Variants in CLSTN1 observed in about 807,000 individuals in gnomAD.
CLSTN1 encodes calsyntenin 1, also known as calsyntenin-1.
In CLSTN1, 28 loss-of-function variants were observed where a neutral mutation model predicts 108.3. The ratio of observed to expected loss-of-function variants is 0.26; its 90% CI spans 0.19 to 0.35. The LOEUF (loss-of-function observed/expected upper bound fraction) is 0.35, where lower values mean the gene tolerates loss of function less well. Among genes scored for constraint, CLSTN1 ranks in the 10% least tolerant of loss-of-function variants. CLSTN1 has a pLI of 1.00. For synonymous variants in CLSTN1, 524 were observed against 534.9 expected, an observed-to-expected ratio of 0.98 and a Z score of 0.28; for missense variants, 1,157 against 1,302.6, an observed-to-expected ratio of 0.89 and a Z score of 1.72.
At chr1:9,789,256 C>T (rs1557716072) in intron 1 of CLSTN1, among the ~76,000 whole-genome samples, 1 of 151,332 alleles carries the variant, frequency 6.6e-6, no homozygotes, top group Non-Finnish European at 1.5e-5. Flanking sequence ...TTTGAGGAGC[C>T]GCCATACCGT....
chr1:9,757,899 A>G (rs1348447053), intron 2 of CLSTN1, among the ~76,000 whole-genome samples: 1 of 151,928 alleles, frequency 6.6e-6, no homozygotes, highest in African/African-American at 2.4e-5. Flanking sequence ...TGCTTTGCTA[A>G]TAGTGCTACC....
chr1:9,796,519 C>CAA (rs746579249), intron 1 of CLSTN1, among the ~76,000 whole-genome samples: 147 of 117,558 alleles, frequency 1.3e-3, no homozygotes, highest in African/African-American at 4.2e-3. Flanking sequence ...ACTAAACATA[C>CAA]AAAAAAAAAA....
At chr1:9,798,795 ACAAG>A (rs1654126351) in intron 1 of CLSTN1, among the ~76,000 whole-genome samples, 1 of 152,222 alleles carries the variant, frequency 6.6e-6, no homozygotes, top group African/African-American at 2.4e-5. Context: ...TGTCCTAATA[ACAAG>A]TAAAAAAGCC....
chr1:9,776,867 T>TATC (rs1222407386), intron 1 of CLSTN1, among the ~76,000 whole-genome samples: 2 of 121,420 alleles, frequency 1.6e-5, no homozygotes, highest in African/African-American at 6.7e-5. Flanking sequence ...AGCATTTATC[T>TATC]ATCTATCTAT....
At chr1:9,819,122 A>G (rs1655098995) in intron 1 of CLSTN1, among the ~76,000 whole-genome samples, 1 of 152,082 alleles carries the variant, frequency 6.6e-6, no homozygotes, top group Non-Finnish European at 1.5e-5. Flanking sequence ...CACCAAATTA[A>G]GACCCACTAA....
At chr1:9,817,405 G>A (rs537990623) in intron 1 of CLSTN1, among the ~76,000 whole-genome samples, 2 of 152,098 alleles carry the variant, frequency 1.3e-5, no homozygotes, top group African/African-American at 2.4e-5. Flanking sequence ...TCGGCTCACC[G>A]CAACCTCCAC....
rs917898804 is a variant in CLSTN1, at chr1:9,823,912, G to A, written c.-179C>T. ...CTGGGCCGCGCGCTCAGGACGCGGC[G>A]CCCTCCCCGCCTCAGAGCAGCGTCT... On this transcript the variant is annotated 5_prime_UTR_variant, in exon 1 of 19. Transcript: ENST00000377298. The surrounding 1 kb of genome is among the most constrained non-coding windows in gnomAD (Gnocchi z 6.3). 9.4e-5 allele frequency: 16 copies of A among 169,822 alleles called. No individual in the cohort carries two copies. Among genetic ancestry groups the A allele is most frequent in the Non-Finnish European group, 1.6e-4 (13 of 82,228 alleles). The allele number at this position is 169,822 out of a possible 1,614,324, so 10.5% of individuals were successfully genotyped here.
intron 7 of CLSTN1, among the ~76,000 whole-genome samples, chr1:9,747,316 T>G (rs1651319025): frequency 1.3e-5 from 2 of 152,184 alleles, no homozygotes; most frequent in South Asian, 4.1e-4. Flanking sequence ...TTTTATATAT[T>G]ATACTTACAT....
chr1:9,762,620 T>C (rs1329232481), intron 2 of CLSTN1, among the ~76,000 whole-genome samples: 2 of 151,036 alleles, frequency 1.3e-5, no homozygotes, highest in African/African-American at 4.9e-5. Flanking sequence ...GTGCCCGCAC[T>C]CAACGGCTGG....
At chr1:9,813,961 G>A (rs917018234) in intron 1 of CLSTN1, among the ~76,000 whole-genome samples, 7 of 151,930 alleles carry the variant, frequency 4.6e-5, no homozygotes, top group Non-Finnish European at 7.4e-5. Flanking sequence ...AATTAGCCGG[G>A]CGCAGTGGCA....
chr1:9,749,158 C>A (rs1471041528), intron 7 of CLSTN1, among the ~76,000 whole-genome samples: 1 of 152,124 alleles, frequency 6.6e-6, no homozygotes, highest in Admixed American at 6.5e-5. Context: ...CCCACCTCGG[C>A]CTCCTAAAGT....
chr1:9,792,851 T>G (rs1249178472), intron 1 of CLSTN1, among the ~76,000 whole-genome samples: 2 of 151,252 alleles, frequency 1.3e-5, no homozygotes, highest in Non-Finnish European at 2.9e-5. Flanking sequence ...GCTGTTCATG[T>G]GTGAATGTTG....
chr1:9,748,057 G>C (rs1396821055), intron 7 of CLSTN1, among the ~76,000 whole-genome samples: 1 of 147,868 alleles, frequency 6.8e-6, no homozygotes, highest in Non-Finnish European at 1.5e-5. Context: ...AAAAAAAAAA[G>C]AAAACCAGTA....
rs768606991 is a variant in CLSTN1 at position 9,735,876 on chromosome 1, C to T, written c.1734+9G>A. ...CATGAGTGGTGTGCAGTCGAGCGCT[C>T]GGTGTTACCTGCACGCCTCTGCCAC... On this transcript the variant is annotated intron_variant, in intron 12 of 18. Coordinates refer to ENST00000377298, the MANE Select transcript of CLSTN1 (RefSeq NM_001009566.3). The T allele has an allele frequency of 5.6e-6, 9 of 1,613,910 alleles. No homozygotes were observed. The highest frequency in any genetic ancestry group is 6.8e-6 in the Non-Finnish European group (8 of 1,179,966).
At chr1:9,765,063 C>T (rs1395583458) in intron 2 of CLSTN1, among the ~76,000 whole-genome samples, 1 of 151,972 alleles carries the variant, frequency 6.6e-6, no homozygotes, top group Non-Finnish European at 1.5e-5. Flanking sequence ...TGTGAAATGT[C>T]ATTTTTTTTT....
intron 13 of CLSTN1, 80 bp downstream of exon 13, chr1:9,735,387 A>G: frequency 6.4e-7 from 1 of 1,572,454 alleles, no homozygotes; most frequent in South Asian, 1.1e-5. Context: ...TCCTTACAGA[A>G]GGGGTTAGGC....
At chr1:9,755,798 C>A (rs1461094672) in intron 3 of CLSTN1, among the ~76,000 whole-genome samples, 9 of 149,550 alleles carry the variant, frequency 6.0e-5, no homozygotes, top group African/African-American at 4.9e-5. Context: ...GAAATTCTGT[C>A]AAAAAAAAAA....
intron 1 of CLSTN1, among the ~76,000 whole-genome samples, chr1:9,800,981 T>C (rs1654239871): frequency 6.6e-6 from 1 of 151,740 alleles, no homozygotes; most frequent in Non-Finnish European, 1.5e-5. Context: ...GTGCGGTGGC[T>C]CACACCTGTA....
intron 1 of CLSTN1, among the ~76,000 whole-genome samples, chr1:9,805,123 A>AG (rs1654451959): frequency 1.3e-5 from 2 of 152,190 alleles, no homozygotes; most frequent in Non-Finnish European, 1.5e-5. Flanking sequence ...CCTCTCAAAA[A>AG]GAAAAAAAAG....
Sources: allele counts gnomAD v4.1 joint callset (sites outside exome capture counted in the v4.1 genomes callset), GRCh38; gene constraint gnomAD v4.1.1; non-coding constraint Gnocchi (gnomAD v3.1); transcripts MANE v1.5; gene names NCBI Gene and HGNC (gene_info 2026-07-23, HGNC 2026-07-21).